LAMA5: variants seen among roughly 807,000 people sequenced by gnomAD.
LAMA5 encodes the protein laminin subunit alpha-5.
Under a neutral mutation model 433.4 loss-of-function variants are expected in LAMA5, and 260 were observed. The observed-to-expected ratio is 0.60, with a 90% CI of 0.54 to 0.66. The LOEUF (loss-of-function observed/expected upper bound fraction) is 0.66, where lower values mean the gene tolerates loss of function less well. LAMA5 is among the 30% of genes least tolerant of loss of function. The pLI is 0.00. For synonymous variants in LAMA5, 2,620 were observed against 2,226.6 expected (o/e 1.18, Z -4.97); for missense variants, 5,378 against 5,258.5 (o/e 1.02, Z -0.70).
At chr20:62,362,320 T>C (rs1187304005) in intron 2 of LAMA5, 80 bp downstream of exon 2, 1 of 1,328,064 alleles carries the variant, frequency 7.5e-7, no homozygotes, top group African/African-American at 1.5e-5. Context: ...GACCTCGCCT[T>C]CTGGTCCTGT....
rs1363100492 is a variant in LAMA5, at chr20:62,311,247, T to C, written c.10003A>G (p.Arg3335Gly). 3 of 1,608,294 alleles carry C rather than the reference T, an allele frequency of 1.9e-6. No homozygotes were observed. The highest frequency in any genetic ancestry group is 2.5e-6 in the Non-Finnish European group (3 of 1,178,368). The change falls in exon 73 of 80, where the codon AGG (arginine) becomes GGG (glycine). Residue 3335 changes from arginine (R) to glycine (G), a missense_variant. Transcript: ENST00000252999. ...AACTGGTAGGAGTCTCGGGTGGTCCTGAGGTGTGGGGGCAGCATGCAGGCA... is the reference window on the plus strand; with the variant it reads ...AACTGGTAGGAGTCTCGGGTGGTCCCGAGGTGTGGGGGCAGCATGCAGGCA... ...HPACMLPPHL[R>G]TTRDSYQFGG...
intron 33 of LAMA5, 22 bp from the exon 34 acceptor site, chr20:62,329,077 G>T: frequency 6.2e-7 from 1 of 1,612,418 alleles, no homozygotes; most frequent in Non-Finnish European, 8.5e-7. Flanking sequence ...GGCACGTGGT[G>T]AGGCCAGCTC....
At chr20:62,310,865 G>A (rs1232785448) in intron 74 of LAMA5, 36 bp from the exon 75 acceptor site, 2 of 1,602,028 alleles carry the variant, frequency 1.2e-6, no homozygotes, top group East Asian at 2.2e-5. Flanking sequence ...AGGGCTGCCA[G>A]GCCCTGCCCA....
At chr20:62,360,953 C>G in intron 2 of LAMA5, among the ~76,000 whole-genome samples, 1 of 152,140 alleles carries the variant, frequency 6.6e-6, no homozygotes, top group East Asian at 1.9e-4. Context: ...CACCCAGGCA[C>G]ATCGGGCACT....
chr20:62,309,603 T>TGGGAGGCGGGTGGGAGGGGGCAGG (rs1985904212), intron 79 of LAMA5, 113 bp downstream of exon 79: 5 of 284,358 alleles, frequency 1.8e-5, no homozygotes, highest in Admixed American at 1.1e-4. Flanking sequence ...GGTAGGGGGG[T>TGGGAGGCGGGTGGGAGGGGGCAGG]GGGAGGAGGG....
chr20:62,337,616 C>T lies in LAMA5; in HGVS notation c.2138G>A (p.Gly713Asp), dbSNP rs1257057564. Residue 713 changes from glycine (G) to aspartate (D), a missense_variant, in exon 16 of 80, where the codon GGT becomes GAT. Coordinates refer to ENST00000252999, the MANE Select transcript of LAMA5 (RefSeq NM_005560.6). ...TTCGCAGTAGGGGAAGTTGTAGGCA[C>T]CGGGCACACATGTGTCACACCGCAG... ...TGLRCDTCVPGAYNFPYCEAG... is the reference protein window; with the variant it reads ...TGLRCDTCVPDAYNFPYCEAG... 1.2e-6 allele frequency: 2 copies of T among 1,610,998 alleles called. No homozygotes were observed. The highest frequency in any genetic ancestry group is 1.7e-6 in the Non-Finnish European group (2 of 1,179,244).
At chr20:62,331,390 C>A (rs1224726675) in intron 28 of LAMA5, among the ~76,000 whole-genome samples, 1 of 151,908 alleles carries the variant, frequency 6.6e-6, no homozygotes, top group African/African-American at 2.4e-5. Flanking sequence ...TCCGACCGAG[C>A]CCTGCTCTTT....
rs143745657 is a variant in LAMA5 at position 62,323,450 on chromosome 20, G to A, written c.6064+6C>T. The stretch of plus-strand genomic sequence containing the variant: ...CAGGGTGCATCCCTCCCAGCCCGAC[G>A]CCTACGGGTGCAGTTGCCGGGCAGC... On this transcript the variant is annotated splice_donor_region_variant and intron_variant, in intron 45 of 79. Coordinates refer to ENST00000252999, the MANE Select transcript of LAMA5 (RefSeq NM_005560.6). 6.6e-4 allele frequency: 1,016 copies of A among 1,535,086 alleles called. 5 individuals are homozygous for A. The African/African-American group carries it at 0.012, about 18-fold the overall frequency.
chr20:62,333,285 G>A lies in LAMA5; in HGVS notation c.3129-42C>T, dbSNP rs201578717. ...CGTGGTCAGCCCCAGGTCCACCCAG[G>A]TCCCCAGAGACAGCCTGAGTGGGGG... is the stretch of plus-strand genomic sequence containing the variant. On this transcript the variant is annotated intron_variant, in intron 25 of 79. Coordinates refer to ENST00000252999, the MANE Select transcript of LAMA5 (RefSeq NM_005560.6). 109 of 1,587,456 alleles carry A rather than the reference G, an allele frequency of 6.9e-5. No homozygotes were observed. In the South Asian group the frequency reaches 1.2e-3, roughly 18 times the overall value.
Position 62,328,950 on chromosome 20 carries a change from G to T in LAMA5, c.4341C>A (p.Gly1447=). 4 of 1,612,338 alleles carry T rather than the reference G, an allele frequency of 2.5e-6. No homozygotes were observed. The highest frequency in any genetic ancestry group is 3.4e-6 in the Non-Finnish European group (4 of 1,179,638). The change falls in exon 34 of 80, where the codon GGC becomes GGA. Residue 1447 remains glycine (G), a synonymous_variant. Transcript: ENST00000252999. Reference sequence around the variant, plus strand: ...GGCCCCCGAAGGGCTCACACGTGGGGCCTGTAGCACCTACTTCGTGGCAGC... The same window carrying T: ...GGCCCCCGAAGGGCTCACACGTGGGTCCTGTAGCACCTACTTCGTGGCAGC... ...PCGCHEVGAT[G]PTCEPFGGQC...
Position 62,322,241 on chromosome 20 carries a change from C to T in LAMA5, c.6346+28G>A, listed in dbSNP as rs199703957. 2.5e-3 allele frequency: 3,948 copies of T among 1,566,696 alleles called. 7 individuals are homozygous for T. Among genetic ancestry groups the T allele is most frequent in the Non-Finnish European group, 3.1e-3 (3,617 of 1,158,438 alleles). ...CGTACCCCACTCAGAAGTCCCCATC[C>T]GCCCTCCTGTGACCGGCCAGCACTC... On this transcript the variant is annotated intron_variant, in intron 47 of 79. Transcript: ENST00000252999.
intron 78 of LAMA5, 65 bp from the exon 79 acceptor site, chr20:62,309,900 GA>G: frequency 1.9e-6 from 3 of 1,606,262 alleles, no homozygotes; most frequent in Non-Finnish European, 2.5e-6. Context: ...AGCCCCAAAA[GA>G]AGCCACCCCA....
At chr20:62,338,398 G>A in intron 12 of LAMA5, 29 bp from the exon 13 acceptor site, 1 of 1,607,192 alleles carries the variant, frequency 6.2e-7, no homozygotes, top group Non-Finnish European at 8.5e-7. Flanking sequence ...CACATGCTTG[G>A]TCAGAGGCAC....
Position 62,311,511 on chromosome 20 carries a change from C to G in LAMA5, c.9832G>C (p.Asp3278His), listed in dbSNP as rs1182895010. ...ACGCTGCCCAGGTTCTGCTGCAGAT[C>G]AAATACGCGCTGTGGGCCCAGGAGC... ...QRLLGPQRVF[D>H]LQQNLGSVNV... Residue 3278 changes from aspartate to histidine, a missense_variant, in exon 72 of 80, where the codon GAT (aspartate) becomes CAT (histidine). Physicochemically the swap from Asp to His is moderately conservative, Grantham distance 81. Coordinates refer to ENST00000252999, the MANE Select transcript of LAMA5 (RefSeq NM_005560.6). The G allele has an allele frequency of 3.7e-6, 6 of 1,610,952 alleles. No homozygotes were observed. The highest frequency in any genetic ancestry group is 1.3e-5 in the African/African-American group (1 of 74,896).
chr20:62,322,620 G>GGGGGGGGC, intron 46 of LAMA5, 38 bp downstream of exon 46: 1 of 1,399,006 alleles, frequency 7.1e-7, no homozygotes, highest in Non-Finnish European at 9.8e-7. Context: ...TAGTCCCTAG[G>GGGGGGGGC]CCCCACCCAC....
chr20:62,323,852 C>A lies in LAMA5; in HGVS notation c.5773G>T (p.Ala1925Ser). Residue 1925 changes from alanine (A) to serine (S), a missense_variant, in exon 44 of 80, where the codon GCC (alanine) becomes TCC (serine). Ala to Ser is a moderately conservative substitution (Grantham distance 99). Transcript: ENST00000252999. ...CPLSVPSNNF[A>S]EGCVLRGGRT... ...CCGCCTCGCAGGACACAGCCCTCGG[C>A]GAAGCTGCAAAGACCAGCAGCGTCA... is the stretch of plus-strand genomic sequence containing the variant. The A allele has an allele frequency of 1.2e-6, 2 of 1,604,478 alleles. No homozygotes were observed. The highest frequency in any genetic ancestry group is 1.1e-5 in the South Asian group (1 of 90,062).
In LAMA5 at chr20:62,336,308, C is replaced by A. The variant is rs770628120; in HGVS notation, c.2323+32G>T. ...TTGTGGGCACAGTTCCCCAAGGAAC[C>A]CCTGTACCCCAATACTCCAGGGCAC... On this transcript the variant is annotated intron_variant, in intron 18 of 79. Coordinates refer to ENST00000252999, the MANE Select transcript of LAMA5 (RefSeq NM_005560.6). 13 of 1,468,206 alleles carry A rather than the reference C, an allele frequency of 8.9e-6. No homozygotes were observed. In the East Asian group the frequency reaches 2.5e-4, roughly 28 times the overall value. 90.9% of individuals were successfully genotyped at this position (1,468,206 alleles called of 1,614,324 possible).
Position 62,310,761 on chromosome 20 carries a change from C to T in LAMA5, c.10350G>A (p.Glu3450=). 6.4e-7 allele frequency: 1 copy of T among 1,565,920 alleles called. No individual in the cohort carries two copies. Residue 3450 remains glutamate (E), a synonymous_variant, in exon 75 of 80, where the codon GAG becomes GAA. Coordinates refer to ENST00000252999, the MANE Select transcript of LAMA5 (RefSeq NM_005560.6). ...CCCCCTGGTGCTGCCGGTGCGGCCC[C>T]TCCTGGCTCCAGGCCCGGGCCCCGT... ...VTDGARAWSQ[E]GPHRQHQGAE...
At chr20:62,353,327 G>GCC in intron 2 of LAMA5, 76 bp from the exon 3 acceptor site, 1 of 1,086,868 alleles carries the variant, frequency 9.2e-7, no homozygotes, top group Non-Finnish European at 1.4e-6. Flanking sequence ...CTCATTTTCT[G>GCC]CCCCTCAGGT....
Sources: allele counts gnomAD v4.1 joint callset (sites outside exome capture counted in the v4.1 genomes callset), GRCh38; gene constraint gnomAD v4.1.1; transcripts MANE v1.5; gene names NCBI Gene and HGNC (gene_info 2026-07-23, HGNC 2026-07-21).